SDK2: variants seen among roughly 807,000 people sequenced by gnomAD.
SDK2 encodes sidekick cell adhesion molecule 2.
Under a neutral mutation model 253.9 loss-of-function variants are expected in SDK2, and 105 were observed. The observed-to-expected ratio is 0.41, with a 90% CI of 0.35 to 0.49. The LOEUF is 0.49. Ranked by LOEUF, SDK2 falls within the 20% of genes least tolerant of loss-of-function variation. SDK2 has a pLI of 0.06. For synonymous variants in SDK2, 1,249 were observed against 1,234.9 expected (o/e 1.01, Z -0.24); for missense variants, 2,608 against 3,003.0 (o/e 0.87, Z 3.07).
rs1359337687 is a variant in SDK2, at chr17:73,481,492, G to C, written c.225-9274C>G. Reference sequence around the variant, plus strand: ...GAAGAGATCAGTATTTGGATCAGCAGATGGAGTAAAGAAGAGAGAGACAGG... The same window carrying C: ...GAAGAGATCAGTATTTGGATCAGCACATGGAGTAAAGAAGAGAGAGACAGG... On this transcript the variant is annotated intron_variant, in intron 2 of 44. Coordinates refer to ENST00000392650, the MANE Select transcript of SDK2 (RefSeq NM_001144952.2). This position sits in a 1 kb window ranked among gnomAD's most constrained non-coding sequence, Gnocchi z 4.5. 6.6e-6 allele frequency among the ~76,000 whole-genome samples: 1 copy of C among 152,120 alleles called. No individual in the cohort carries two copies. The highest frequency in any genetic ancestry group is 1.5e-5 in the Non-Finnish European group (1 of 68,014).
chr17:73,608,819 C>A (rs1273033902), intron 1 of SDK2, among the ~76,000 whole-genome samples: 6 of 152,108 alleles, frequency 3.9e-5, no homozygotes, highest in African/African-American at 1.4e-4. Context: ...GAAGGGAGAT[C>A]ATGTCTATTT....
intron 1 of SDK2, among the ~76,000 whole-genome samples, chr17:73,623,512 G>A (rs1052037947): frequency 1.3e-5 from 2 of 152,212 alleles, no homozygotes; most frequent in East Asian, 1.9e-4. Context: ...GGCCCCCAGA[G>A]CTTGAGGAGG....
rs750415571 is a variant in SDK2 at position 73,384,026 on chromosome 17, T to C, written c.4570-15A>G. ...TCTGCTGGCGGCTGCAGGAAGGGAG[T>C]AGGGCATGGGGAGGGCACCTGGACC... On this transcript the variant is annotated splice_polypyrimidine_tract_variant and intron_variant, in intron 32 of 44. Transcript: ENST00000392650. 3 of 1,611,796 alleles carry C rather than the reference T, an allele frequency of 1.9e-6. No homozygotes were observed. Among genetic ancestry groups the C allele is most frequent in the South Asian group, 2.2e-5 (2 of 90,598 alleles).
chr17:73,449,724 C>A (rs1194967570), intron 4 of SDK2, among the ~76,000 whole-genome samples: 2 of 150,504 alleles, frequency 1.3e-5, no homozygotes, highest in African/African-American at 4.9e-5. Context: ...GGTTCGAGAC[C>A]ATACTGACCA....
At chr17:73,428,414 C>T (rs1182850619) in intron 12 of SDK2, among the ~76,000 whole-genome samples, 1 of 152,100 alleles carries the variant, frequency 6.6e-6, no homozygotes, top group African/African-American at 2.4e-5. Context: ...TAGAAACCTG[C>T]ACCCGCCCAG....
rs145148621 is a variant in SDK2, at chr17:73,615,888, C to T, written c.64+28137G>A. Among the ~76,000 whole-genome samples the T allele has an allele frequency of 7.4e-3, 1,126 of 152,298 alleles. 9 individuals are homozygous for T. The highest frequency in any genetic ancestry group is 0.012 in the Non-Finnish European group (799 of 68,012). On this transcript the variant is annotated intron_variant, in intron 1 of 44. Transcript: ENST00000392650. ...ACATACACACAACCACATGTGCATT[C>T]ACACATACATATATGTACACACAGT...
At chr17:73,536,478 C>T (rs955857379) in intron 1 of SDK2, among the ~76,000 whole-genome samples, 2 of 152,230 alleles carry the variant, frequency 1.3e-5, no homozygotes, top group Non-Finnish European at 2.9e-5. Context: ...CCCTCCAAAC[C>T]CCCAGGCTGG....
At chr17:73,413,771 G>A (rs2063157894) in intron 18 of SDK2, among the ~76,000 whole-genome samples, 1 of 152,168 alleles carries the variant, frequency 6.6e-6, no homozygotes. Context: ...AGTGCATAGA[G>A]TAGCTGCTCA....
intron 2 of SDK2, among the ~76,000 whole-genome samples, chr17:73,491,055 A>C (rs948900333): frequency 1.3e-5 from 2 of 152,220 alleles, no homozygotes; most frequent in Non-Finnish European, 2.9e-5. Flanking sequence ...CCCCTACCTG[A>C]AGATCCAGTG....
rs2143327244 is a variant in SDK2 at position 73,643,303 on chromosome 17, G to A, written c.64+722C>T. 6.6e-6 allele frequency among the ~76,000 whole-genome samples: 1 copy of A among 152,328 alleles called. No individual in the cohort carries two copies. The highest frequency in any genetic ancestry group is 1.5e-5 in the Non-Finnish European group (1 of 68,014). On this transcript the variant is annotated intron_variant, in intron 1 of 44. Transcript: ENST00000392650. The surrounding 1 kb of genome is among the most constrained non-coding windows in gnomAD (Gnocchi z 6.9). ...GCAGCGAGCGGCTGCACAGACTATC[G>A]AGCGAACAGCGGAGGCTGGAGGCAG...
intron 1 of SDK2, among the ~76,000 whole-genome samples, chr17:73,617,264 A>C: frequency 1.1e-5 from 1 of 90,550 alleles, no homozygotes; most frequent in Non-Finnish European, 2.3e-5. Flanking sequence ...TGCAGAGGGG[A>C]GGTGAGAGGG....
Position 73,379,209 on chromosome 17 carries a change from C to G in SDK2, c.4948G>C (p.Asp1650His). ...CCCTGGATGTCTCCATTCTGGCTGT[C>G]CAGCGGAGGTGGCTCCCAAGTCACG... ...LDVTWEPPPL[D>H]SQNGDIQGYK... The change falls in exon 36 of 45, where the codon GAC becomes CAC. Residue 1650 changes from aspartate to histidine, a missense_variant. Around this residue, in one of 2 missense-constraint regions of SDK2, gnomAD observed 1,103 missense variants for 1,143.9 expected, o/e 0.96. Transcript: ENST00000392650. This position sits in a 1 kb window ranked among gnomAD's most constrained non-coding sequence, Gnocchi z 4.5. 1 of 1,558,966 alleles carries G rather than the reference C, an allele frequency of 6.4e-7. No homozygotes were observed. The highest frequency in any genetic ancestry group is 8.7e-7 in the Non-Finnish European group (1 of 1,150,902).
At chr17:73,533,995 A>G (rs1042089044) in intron 1 of SDK2, among the ~76,000 whole-genome samples, 1 of 152,126 alleles carries the variant, frequency 6.6e-6, no homozygotes, top group African/African-American at 2.4e-5. Context: ...ATGCGGCAAC[A>G]TCTGCACCTC....
intron 36 of SDK2, among the ~76,000 whole-genome samples, chr17:73,371,969 A>T (rs1010521141): frequency 2.0e-5 from 3 of 152,148 alleles, no homozygotes; most frequent in African/African-American, 2.4e-5. Flanking sequence ...AAAAAAAAAA[A>T]AAGTGAGGTC....
At position 73,498,149 on chromosome 17, in the gene SDK2, C is replaced by G. The variant is rs560207696; in HGVS notation, c.224+9289G>C. On this transcript the variant is annotated intron_variant, in intron 2 of 44. Transcript: ENST00000392650. ...TCCTGTCTTATTTAGGACCATATCA[C>G]CAGCAGCCGGTATCTGGTCACAACC... Among the ~76,000 whole-genome samples the G allele has an allele frequency of 6.5e-4, 99 of 152,342 alleles. 1 individual carries two copies. The highest frequency in any genetic ancestry group is 9.7e-4 in the Non-Finnish European group (66 of 68,028).
At chr17:73,566,319 A>ATGTGTGTGTGTGTGTGTG (rs55940592) in intron 1 of SDK2, among the ~76,000 whole-genome samples, 125 of 139,398 alleles carry the variant, frequency 9.0e-4, no homozygotes, top group African/African-American at 2.5e-3. Context: ...TTATATATAT[A>ATGTGTGTGTGTGTGTGTG]TGTGTGTGTG....
At chr17:73,524,886 C>G (rs2064112956) in intron 1 of SDK2, among the ~76,000 whole-genome samples, 6 of 152,250 alleles carry the variant, frequency 3.9e-5, no homozygotes, top group Admixed American at 3.9e-4. Flanking sequence ...CTCAATCATG[C>G]AGACGTTTCA....
At position 73,393,617 on chromosome 17, in the gene SDK2, G is replaced by C. The variant is rs370092088; in HGVS notation, c.3841C>G (p.Arg1281Gly). 1 of 1,591,602 alleles carries C rather than the reference G, an allele frequency of 6.3e-7. No individual in the cohort carries two copies. The highest frequency in any genetic ancestry group is 1.1e-5 in the South Asian group (1 of 88,580). The change falls in exon 27 of 45, where the codon CGC becomes GGC. Residue 1281 changes from arginine to glycine, a missense_variant. Physicochemically the swap from Arg to Gly is moderately radical, Grantham distance 125 (BLOSUM62 -2). Coordinates refer to ENST00000392650, the MANE Select transcript of SDK2 (RefSeq NM_001144952.2). Reference protein sequence around the residue: ...LYEVQVLAFTRIGDGSPSHPP... With the variant: ...LYEVQVLAFTGIGDGSPSHPP... Reference sequence around the variant, plus strand: ...TGGCTGGGGCTGCCGTCCCCGATGCGTGTGAAGGCCAGCACCTGGACTTCA... The same window carrying C: ...TGGCTGGGGCTGCCGTCCCCGATGCCTGTGAAGGCCAGCACCTGGACTTCA...
rs939593780 is a variant in SDK2, at chr17:73,506,313, G to C, written c.224+1125C>G. Among the ~76,000 whole-genome samples the C allele has an allele frequency of 8.2e-4, 125 of 152,298 alleles. 1 individual carries two copies. Among genetic ancestry groups the C allele is most frequent in the Non-Finnish European group, 3.7e-4 (25 of 68,010 alleles). On this transcript the variant is annotated intron_variant, in intron 2 of 44. Coordinates refer to ENST00000392650, the MANE Select transcript of SDK2 (RefSeq NM_001144952.2). ...GGCTTCCTGGAGAACCGGAGGCCCA[G>C]AGTGGCCAGCCCTGCAGGACCTCTT... is the stretch of plus-strand genomic sequence containing the variant.
Sources: gnomAD v4.1 joint callset for allele counts (sites outside exome capture counted in the v4.1 genomes callset) on GRCh38, gnomAD v4.1.1 for gene constraint, gnomAD v4.1.1 regional missense constraint, Gnocchi (gnomAD v3.1) non-coding constraint, MANE v1.5 for transcripts, NCBI Gene and HGNC (gene_info 2026-07-23, HGNC 2026-07-21) for gene names.